Variants in ARHGAP20 observed in about 807,000 individuals in gnomAD.
The protein encoded by ARHGAP20 is Rho GTPase activating protein 20.
A neutral mutation model predicts 73.7 loss-of-function variants in ARHGAP20; 34 were observed. The ratio of observed to expected loss-of-function variants is 0.46; its 90% confidence interval spans 0.35 to 0.61. ARHGAP20 has a LOEUF of 0.61. ARHGAP20 is among the 20% of genes least tolerant of loss of function. ARHGAP20 has a pLI of 0.00. For missense variants in ARHGAP20, 1,314 were observed against 1,420.9 expected, an observed-to-expected ratio of 0.92 and a Z score of 1.21; for synonymous variants, 523 against 518.2, an observed-to-expected ratio of 1.01 and a Z score of -0.13.
intron 2 of ARHGAP20, among the ~76,000 whole-genome samples, chr11:110,637,464 A>G (rs1425581098): frequency 6.6e-6 from 1 of 152,210 alleles, no homozygotes; most frequent in African/African-American, 2.4e-5. Context: ...CTTTTTATCA[A>G]CTGGATCTCT....
chr11:110,712,215 G>C lies in ARHGAP20; in HGVS notation c.17C>G (p.Pro6Arg). The change falls in exon 1 of 15, where the codon CCC becomes CGC. Residue 6 changes from proline (P) to arginine (R), a missense_variant. Transcript: ENST00000683387. ...CTGTCCCCCTAGAGTCTCCTGCTGG[G>C]GGGACATCGCTTCCATGAAGAAAAT... MEAMS[P>R]QQETLGGQPG... 1 of 1,366,886 alleles carries C rather than the reference G, an allele frequency of 7.3e-7. No homozygotes were observed. Among genetic ancestry groups the C allele is most frequent in the South Asian group, 2.2e-5 (1 of 46,388 alleles). The allele number at this position is 1,366,886 out of a possible 1,614,324, so 84.7% of individuals were successfully genotyped here.
Position 110,690,544 on chromosome 11 carries a change from T to C in ARHGAP20, c.188+3A>G. Reference sequence around the variant, plus strand: ...AATGTGTAATACAAAGCTTTGCACTTACCTGGTAGTAGGCCGTTTTTGTAG... The same window carrying C: ...AATGTGTAATACAAAGCTTTGCACTCACCTGGTAGTAGGCCGTTTTTGTAG... On this transcript the variant is annotated splice_donor_region_variant and intron_variant, in intron 2 of 14. Transcript: ENST00000683387. The C allele has an allele frequency of 3.1e-6, 5 of 1,612,956 alleles. No homozygotes were observed. The highest frequency in any genetic ancestry group is 1.1e-5 in the South Asian group (1 of 91,056).
At chr11:110,638,947 A>T (rs1191901455) in intron 2 of ARHGAP20, among the ~76,000 whole-genome samples, 1 of 152,072 alleles carries the variant, frequency 6.6e-6, no homozygotes. Context: ...ACATGAATAC[A>T]TATGTAACTA....
intron 8 of ARHGAP20, among the ~76,000 whole-genome samples, chr11:110,606,977 A>G (rs1020362785): frequency 6.6e-6 from 1 of 152,184 alleles, no homozygotes; most frequent in Non-Finnish European, 1.5e-5. Context: ...AAAAATCTTT[A>G]AAGATTATCT....
chr11:110,679,670 T>C (rs76848691), intron 2 of ARHGAP20, among the ~76,000 whole-genome samples: 2,581 of 152,274 alleles, frequency 0.017, 53 homozygotes, highest in African/African-American at 0.046. Context: ...GTCAACTTTA[T>C]TCTCCCCTCC....
At chr11:110,645,624 T>C (rs1565455992) in intron 2 of ARHGAP20, among the ~76,000 whole-genome samples, 1 of 152,126 alleles carries the variant, frequency 6.6e-6, no homozygotes, top group Non-Finnish European at 1.5e-5. Flanking sequence ...ACTGGGCATA[T>C]ACCCAAAGGA....
chr11:110,681,545 A>G (rs1383755798), intron 2 of ARHGAP20, among the ~76,000 whole-genome samples: 1 of 152,184 alleles, frequency 6.6e-6, no homozygotes, highest in South Asian at 2.1e-4. Context: ...TTTTACTACA[A>G]TCCTCAGTAA....
intron 4 of ARHGAP20, among the ~76,000 whole-genome samples, chr11:110,622,060 G>A (rs2134926819): frequency 6.6e-6 from 1 of 152,278 alleles, no homozygotes; most frequent in African/African-American, 2.4e-5. Flanking sequence ...AGAATTTGGA[G>A]CTTCTCTTCT....
At chr11:110,599,561 C>T (rs1257973400) in intron 9 of ARHGAP20, among the ~76,000 whole-genome samples, 1 of 152,210 alleles carries the variant, frequency 6.6e-6, no homozygotes, top group Non-Finnish European at 1.5e-5. Flanking sequence ...CCTGGTGAGG[C>T]CTACTTTTAG....
In ARHGAP20 at chr11:110,621,074, CA is replaced by C. The variant is rs34424855; in HGVS notation, c.503+3087del. 1.3e-3 allele frequency among the ~76,000 whole-genome samples: 63 copies of C among 46,786 alleles called. No homozygotes were observed. In the South Asian group the frequency reaches 0.016, roughly 12 times the overall value. The allele number at this position is 46,786 out of a possible 152,430, so 30.7% of individuals were successfully genotyped here. A position where few individuals can be genotyped will look rare whatever the true frequency, so the allele number is the denominator to read the frequency against. ...GGGCAACAAGAGTAAAACTCCATCT[CA>C]AAAAAAAAAAAAAAAAAAAAAAGCT... On this transcript the variant is annotated intron_variant, in intron 4 of 14. Transcript: ENST00000683387.
intron 2 of ARHGAP20, among the ~76,000 whole-genome samples, chr11:110,688,962 T>G (rs190206058): frequency 6.6e-6 from 1 of 152,208 alleles, no homozygotes; most frequent in Admixed American, 6.5e-5. Context: ...ATATATAACT[T>G]ATTTTTAATA....
intron 2 of ARHGAP20, among the ~76,000 whole-genome samples, chr11:110,688,767 C>T (rs892336260): frequency 6.6e-6 from 1 of 152,110 alleles, no homozygotes; most frequent in East Asian, 1.9e-4. Context: ...TTTGGCAGAA[C>T]GGCTTCCTAA....
At chr11:110,656,221 AC>A (rs1949463477) in intron 2 of ARHGAP20, among the ~76,000 whole-genome samples, 1 of 151,716 alleles carries the variant, frequency 6.6e-6, no homozygotes, top group Non-Finnish European at 1.5e-5. Flanking sequence ...ACTGCTTGTT[AC>A]TCAGCATTAG....
chr11:110,712,154 C>A lies in ARHGAP20; in HGVS notation c.78G>T (p.Arg26=). The change falls in exon 1 of 15, where the codon CGG becomes CGT. Residue 26 remains arginine (R), a synonymous_variant. Transcript: ENST00000683387. ...GRSSSLTGVS[R]LAGGSCTKKK... is the part of the protein sequence containing the mutation. ...TCTTGGTGCAGCTGCCTCCCGCGAG[C>A]CGAGACACTCCTGTCAGGGAAGAGG... 7.3e-7 allele frequency: 1 copy of A among 1,364,896 alleles called. No homozygotes were observed. The highest frequency in any genetic ancestry group is 9.5e-7 in the Non-Finnish European group (1 of 1,053,340). The allele number at this position is 1,364,896 out of a possible 1,614,324, so 84.5% of individuals were successfully genotyped here.
chr11:110,700,095 C>G (rs760980288), intron 1 of ARHGAP20, among the ~76,000 whole-genome samples: 2 of 151,972 alleles, frequency 1.3e-5, no homozygotes, highest in Admixed American at 1.3e-4. Context: ...CTCTAAATCA[C>G]TCTGAATCTG....
At chr11:110,700,388 T>C (rs1950420044) in intron 1 of ARHGAP20, among the ~76,000 whole-genome samples, 1 of 151,806 alleles carries the variant, frequency 6.6e-6, no homozygotes, top group Admixed American at 6.6e-5. Flanking sequence ...AATTAACAAA[T>C]TAGCTTATTC....
At chr11:110,616,694 T>C (rs1335782217) in intron 4 of ARHGAP20, among the ~76,000 whole-genome samples, 4 of 151,982 alleles carry the variant, frequency 2.6e-5, no homozygotes, top group Middle Eastern at 3.4e-3. Context: ...TTCTTTTTTT[T>C]TTTTTTTACC....
chr11:110,649,200 C>T (rs905355637), intron 2 of ARHGAP20, among the ~76,000 whole-genome samples: 3 of 140,002 alleles, frequency 2.1e-5, no homozygotes, highest in Non-Finnish European at 4.6e-5. Context: ...AATTATTAAA[C>T]CTTTTTTTTT....
At chr11:110,649,040 T>C (rs1264463577) in intron 2 of ARHGAP20, among the ~76,000 whole-genome samples, 3 of 152,072 alleles carry the variant, frequency 2.0e-5, no homozygotes, top group East Asian at 1.9e-4. Context: ...AATTTTGACA[T>C]GTATGTTTTG....
Sources: allele counts gnomAD v4.1 joint callset (sites outside exome capture counted in the v4.1 genomes callset), GRCh38; gene constraint gnomAD v4.1.1; transcripts MANE v1.5; gene names NCBI Gene and HGNC (gene_info 2026-07-23, HGNC 2026-07-21).